The following OR51B5 variants were observed in gnomAD, a reference collection of about 807,000 sequenced individuals.
OR51B5 encodes olfactory receptor 51B5.
For missense variants in OR51B5, 456 were observed against 374.6 expected (o/e 1.22, Z -1.79); for synonymous variants, 186 against 144.8 (o/e 1.28, Z -2.04).
intron 1 of OR51B5, among the ~76,000 whole-genome samples, chr11:5,433,597 A>G (rs141684445): frequency 3.3e-5 from 5 of 152,324 alleles, no homozygotes; most frequent in Admixed American, 6.5e-5. Flanking sequence ...TGTCAAGGGA[A>G]TACAAAGAGC....
rs993809656 is a variant in OR51B5 at position 5,464,327 on chromosome 11, G to A, written n.84+41242C>T. Among the ~76,000 whole-genome samples the A allele has an allele frequency of 2.0e-5, 3 of 152,040 alleles. 1 individual carries two copies. The highest frequency in any genetic ancestry group is 7.2e-5 in the African/African-American group (3 of 41,450). ...TTATACTTTAAGTTTTAGGGTACATGTGCACGTTGTGCAGGTTAGTTACAT... is the reference window on the plus strand; with the variant it reads ...TTATACTTTAAGTTTTAGGGTACATATGCACGTTGTGCAGGTTAGTTACAT... On this transcript the variant is annotated intron_variant and non_coding_transcript_variant, in intron 1 of 4. Coordinates refer to the OR51B5 transcript ENST00000415970.
chr11:5,468,807 C>T (rs1851178313), intron 1 of OR51B5: 3 of 453,958 alleles, frequency 6.6e-6, no homozygotes, highest in South Asian at 4.7e-5. Context: ...GCAGAGATGA[C>T]AATGAACAGG....
chr11:5,357,239 T>G (rs561490018), intron 1 of OR51B5, among the ~76,000 whole-genome samples: 13 of 152,112 alleles, frequency 8.5e-5, no homozygotes, highest in African/African-American at 3.1e-4. Flanking sequence ...CCATCTCATG[T>G]GCACACACAC....
chr11:5,466,929 T>C (rs774601659), intron 1 of OR51B5, among the ~76,000 whole-genome samples: 2 of 152,260 alleles, frequency 1.3e-5, no homozygotes, highest in African/African-American at 2.4e-5. Flanking sequence ...GTCTGCTTTC[T>C]CTAAGCCCTT....
rs147996999 is a variant in OR51B5, at chr11:5,433,515, A to G, written n.84+72054T>C. Among the ~76,000 whole-genome samples the G allele has an allele frequency of 1.1e-3, 174 of 152,294 alleles. 3 individuals carry two copies. The East Asian group carries it at 0.027, about 24-fold the overall frequency. On this transcript the variant is annotated intron_variant and non_coding_transcript_variant, in intron 1 of 4. Transcript: ENST00000415970. ...CCTCTGGTTACCCAGTGTTGATGTG[A>G]AATTGTTCATACATCTGAAAAGTTT...
intron 1 of OR51B5, among the ~76,000 whole-genome samples, chr11:5,357,317 G>T (rs1482063501): frequency 6.6e-6 from 1 of 151,512 alleles, no homozygotes; most frequent in Non-Finnish European, 1.5e-5. Context: ...AAAGGCAGGG[G>T]TTGCAATCCT....
At chr11:5,427,443 G>C (rs1389438213) in intron 1 of OR51B5, among the ~76,000 whole-genome samples, 2 of 152,242 alleles carry the variant, frequency 1.3e-5, no homozygotes, top group African/African-American at 4.8e-5. Flanking sequence ...GAAAAGCCTT[G>C]AATGAACCAT....
At chr11:5,477,658 C>G (rs1199348025) in intron 1 of OR51B5, among the ~76,000 whole-genome samples, 1 of 152,060 alleles carries the variant, frequency 6.6e-6, no homozygotes, top group Non-Finnish European at 1.5e-5. Flanking sequence ...GGTGCGCGCA[C>G]CGTGCGCGAG....
At chr11:5,374,618 C>T (rs910861257) in intron 1 of OR51B5, among the ~76,000 whole-genome samples, 3 of 152,030 alleles carry the variant, frequency 2.0e-5, no homozygotes, top group East Asian at 1.9e-4. Context: ...CTAGAATAAC[C>T]AATACAGAGA....
intron 1 of OR51B5, among the ~76,000 whole-genome samples, chr11:5,470,873 T>G (rs1851218154): frequency 6.6e-6 from 1 of 152,236 alleles, no homozygotes; most frequent in Non-Finnish European, 1.5e-5. Flanking sequence ...CTTAGTATCA[T>G]GCCTCTGTCT....
chr11:5,352,759 CACACATACATAT>C (rs1001630819), intron 1 of OR51B5, among the ~76,000 whole-genome samples: 22 of 145,548 alleles, frequency 1.5e-4, no homozygotes, highest in African/African-American at 4.6e-4. Context: ...TACATACTTA[CACACATACATAT>C]ACACACACAG....
chr11:5,403,045 A>G (rs1302667688), intron 1 of OR51B5: 1 of 471,508 alleles, frequency 2.1e-6, no homozygotes, highest in African/African-American at 2.0e-5. Context: ...CACAGGAGCT[A>G]TTATCGTACT....
chr11:5,404,389 A>C lies in OR51B5; in HGVS notation n.85-57479T>G, dbSNP rs531631541. On this transcript the variant is annotated intron_variant and non_coding_transcript_variant, in intron 1 of 4. Transcript: ENST00000415970. ...TGTCTAGCTAAAGATTAGTAAATAC[A>C]CCAATCAGAACTCTGTAAAAACGCA... is the stretch of plus-strand genomic sequence containing the variant. 1.7e-4 allele frequency among the ~76,000 whole-genome samples: 26 copies of C among 152,210 alleles called. 1 individual carries two copies. Among genetic ancestry groups the C allele is most frequent in the Admixed American group, 1.4e-3 (21 of 15,292 alleles).
intron 1 of OR51B5, among the ~76,000 whole-genome samples, chr11:5,418,868 GAAGT>G (rs1226139166): frequency 1.3e-5 from 1 of 77,364 alleles, no homozygotes; most frequent in Non-Finnish European, 2.7e-5. Flanking sequence ...CCCAGAACTT[GAAGT>G]ATTATAAAAA....
chr11:5,426,368 AAAAATTATTTAAGACATT>A (rs943794306), intron 1 of OR51B5, among the ~76,000 whole-genome samples: 13 of 152,336 alleles, frequency 8.5e-5, no homozygotes, highest in Non-Finnish European at 1.8e-4. Context: ...AACAAAATTT[AAAAATTATTTAAGACATT>A]ATAGGATTAC....
intron 1 of OR51B5, among the ~76,000 whole-genome samples, chr11:5,414,513 T>G (rs970380552): frequency 1.8e-4 from 28 of 151,922 alleles, no homozygotes; most frequent in Non-Finnish European, 3.1e-4. Context: ...TCAAGACCCA[T>G]CAGTGTGTTG....
At chr11:5,378,123 A>G (rs1368507725) in intron 1 of OR51B5, among the ~76,000 whole-genome samples, 1 of 151,924 alleles carries the variant, frequency 6.6e-6, no homozygotes, top group Non-Finnish European at 1.5e-5. Context: ...ATATAGATCA[A>G]TGGAACAGAA....
chr11:5,361,375 A>T (rs1274247653), intron 1 of OR51B5, among the ~76,000 whole-genome samples: 1 of 152,138 alleles, frequency 6.6e-6, no homozygotes, highest in Non-Finnish European at 1.5e-5. Flanking sequence ...GGAGTTTCTG[A>T]AACTAATTTT....
downstream of OR51B5, among the ~76,000 whole-genome samples, chr11:5,342,055 T>A (rs1053176553): frequency 6.6e-6 from 1 of 152,214 alleles, no homozygotes; most frequent in African/African-American, 2.4e-5. Context: ...TGATAAGTAA[T>A]TAGGTCACTG....
Sources: allele counts gnomAD v4.1 joint callset (sites outside exome capture counted in the v4.1 genomes callset), GRCh38; gene constraint gnomAD v4.1.1; transcripts MANE v1.5; gene names NCBI Gene and HGNC (gene_info 2026-07-23, HGNC 2026-07-21).